MTMR14: variants seen among roughly 807,000 people sequenced by gnomAD.
MTMR14 encodes the protein phosphatidylinositol-3,5-bisphosphate 3-phosphatase MTMR14.
In MTMR14, 48 loss-of-function variants were observed where a neutral mutation model predicts 86.3. That is an observed-to-expected ratio of 0.56 (90% confidence interval 0.44 to 0.71). The LOEUF (loss-of-function observed/expected upper bound fraction) is 0.71. MTMR14 is among the 30% of genes least tolerant of loss of function. MTMR14 has a pLI of 0.00. For synonymous variants in MTMR14, 366 were observed against 326.1 expected (o/e 1.12, Z -1.32); for missense variants, 780 against 834.6 (o/e 0.93, Z 0.81).
chr3:9,701,457 G>GCCC lies in MTMR14; in HGVS notation c.1770-333_1770-332insCCC. ...GGGCTGAGGTGGGAGGATGGCTTGA[G>GCCC]GCTACAGTGAGCGCTGATTGTGTCA... On this transcript the variant is annotated intron_variant, in intron 18 of 18. Coordinates refer to ENST00000296003, the MANE Select transcript of MTMR14 (RefSeq NM_001077525.3). This position sits in a 1 kb window ranked among gnomAD's most constrained non-coding sequence, Gnocchi z 4.2. 1 of 367,174 alleles carries GCCC rather than the reference G, an allele frequency of 2.7e-6. No homozygotes were observed. Among genetic ancestry groups the GCCC allele is most frequent in the Non-Finnish European group, 5.2e-6 (1 of 192,464 alleles). The allele number at this position is 367,174 out of a possible 1,614,324, so 22.7% of individuals were successfully genotyped here.
chr3:9,691,336 G>A (rs999496413), intron 17 of MTMR14, among the ~76,000 whole-genome samples: 2 of 152,182 alleles, frequency 1.3e-5, no homozygotes, highest in African/African-American at 4.8e-5. Context: ...CCATGTGCCG[G>A]TGCCCCGTCC....
At chr3:9,682,537 A>G (rs1047471753) in intron 9 of MTMR14, among the ~76,000 whole-genome samples, 1 of 152,228 alleles carries the variant, frequency 6.6e-6, no homozygotes, top group Non-Finnish European at 1.5e-5. Context: ...CACTTGGGCT[A>G]GAACAGAGGT....
rs1273430094 is a variant in MTMR14, at chr3:9,677,898, C to T, written c.823-86C>T. On this transcript the variant is annotated intron_variant, in intron 8 of 18. Coordinates refer to ENST00000296003, the MANE Select transcript of MTMR14 (RefSeq NM_001077525.3). The surrounding 1 kb of genome is among the most constrained non-coding windows in gnomAD (Gnocchi z 4.2). The stretch of plus-strand genomic sequence containing the variant: ...GAAGGCAAGCACTGCCTGTGGTAGT[C>T]ACAGCCTCAGGACTGCAAGCTTCCC... 8.9e-6 allele frequency: 11 copies of T among 1,233,308 alleles called. No homozygotes were observed. The African/African-American group carries it at 1.6e-4, about 18-fold the overall frequency. The allele number at this position is 1,233,308 out of a possible 1,614,324, so 76.4% of individuals were successfully genotyped here.
intron 15 of MTMR14, 52 bp downstream of exon 15, chr3:9,688,806 A>T: frequency 6.2e-7 from 1 of 1,611,446 alleles, no homozygotes; most frequent in Non-Finnish European, 8.5e-7. Flanking sequence ...CTTCCCGTGT[A>T]CAGATCAGGC....
Position 9,684,590 on chromosome 3 carries a change from A to G in MTMR14, c.970A>G (p.Ser324Gly), listed in dbSNP as rs1281361693. Residue 324 changes from serine to glycine, a missense_variant, in exon 11 of 19, where the codon AGC becomes GGC. By Grantham distance (56) the Ser-to-Gly change is moderately conservative. Transcript: ENST00000296003. ...CTCCTGCGGTTCCTGAGTAGATGAC[A>G]GCGGGCTGCTGGTACACTGTATCTC... ...LLSLVNSDDDSGLLVHCISGW... is the reference protein window; with the variant it reads ...LLSLVNSDDDGGLLVHCISGW... 2 of 1,614,050 alleles carry G rather than the reference A, an allele frequency of 1.2e-6. No homozygotes were observed. Among genetic ancestry groups the G allele is most frequent in the Admixed American group, 3.3e-5 (2 of 60,014 alleles).
rs959381630 is a variant in MTMR14, at chr3:9,692,578, TGGCCTC to T, written c.1613+2448_1613+2453del. On this transcript the variant is annotated intron_variant, in intron 17 of 18. Coordinates refer to ENST00000296003, the MANE Select transcript of MTMR14 (RefSeq NM_001077525.3). ...GGTTAGCAGGTCGCTCCACCTTGCA[TGGCCTC>T]GGCCTCGGCCTCTGCTCTGGAGTCA... Among the ~76,000 whole-genome samples, 14 of 152,376 alleles carry T rather than the reference TGGCCTC, an allele frequency of 9.2e-5. No individual in the cohort carries two copies. The East Asian group carries it at 2.3e-3, about 25-fold the overall frequency.
At chr3:9,684,524 C>G in intron 10 of MTMR14, 61 bp from the exon 11 acceptor site, 1 of 1,550,528 alleles carries the variant, frequency 6.4e-7, no homozygotes, top group Non-Finnish European at 8.9e-7. Context: ...GGTGGTACTT[C>G]CTGCTCATCG....
rs574108963 is a variant in MTMR14, at chr3:9,662,316, A to G, written c.358A>G (p.Ser120Gly). 1 of 1,613,658 alleles carries G rather than the reference A, an allele frequency of 6.2e-7. No individual in the cohort carries two copies. Among genetic ancestry groups the G allele is most frequent in the Admixed American group, 1.7e-5 (1 of 59,898 alleles). Residue 120 changes from serine to glycine, a missense_variant, in exon 3 of 19, where the codon AGC (serine) becomes GGC (glycine). By Grantham distance (56) the Ser-to-Gly change is moderately conservative. Coordinates refer to ENST00000296003, the MANE Select transcript of MTMR14 (RefSeq NM_001077525.3). Reference protein sequence around the residue: ...VSKLQDLIHRSKMARCRGRFV... With the variant: ...VSKLQDLIHRGKMARCRGRFV... ...CAAGTTGCAAGACCTCATCCACCGC[A>G]GCAAGATGGCCCGGTGCAGAGGACG...
chr3:9,683,754 T>C (rs1441773115), intron 10 of MTMR14: 1 of 157,232 alleles, frequency 6.4e-6, no homozygotes, highest in African/African-American at 2.4e-5. Context: ...TTGCACTTGC[T>C]CAAACAAGTG....
At chr3:9,664,678 A>G (rs1274256107) in intron 3 of MTMR14, among the ~76,000 whole-genome samples, 1 of 152,192 alleles carries the variant, frequency 6.6e-6, no homozygotes, top group Non-Finnish European at 1.5e-5. Context: ...GTTCTCACTT[A>G]TTTGAAAGCT....
intron 3 of MTMR14, among the ~76,000 whole-genome samples, chr3:9,667,597 C>A (rs1470856674): frequency 2.0e-5 from 3 of 152,176 alleles, no homozygotes; most frequent in Non-Finnish European, 4.4e-5. Flanking sequence ...TCCAGGACAG[C>A]CTCTCCACAA....
In MTMR14 at chr3:9,678,075, A is replaced by T; in HGVS notation, c.897+17A>T. 1 of 1,613,508 alleles carries T rather than the reference A, an allele frequency of 6.2e-7. No homozygotes were observed. The highest frequency in any genetic ancestry group is 8.5e-7 in the Non-Finnish European group (1 of 1,179,658). ...CAGTATCAGGTGAGGGGCCTGACTC[A>T]AGCATTGAGGGCAGGATAAGGGAGT... On this transcript the variant is annotated intron_variant, in intron 9 of 18. Transcript: ENST00000296003.
intron 7 of MTMR14, among the ~76,000 whole-genome samples, chr3:9,676,103 C>T (rs1361024549): frequency 2.0e-5 from 3 of 152,156 alleles, no homozygotes; most frequent in African/African-American, 4.8e-5. Context: ...AGAGTTGCTG[C>T]GACATTCCAT....
intron 2 of MTMR14, among the ~76,000 whole-genome samples, chr3:9,659,259 TAA>T: frequency 6.6e-6 from 1 of 152,236 alleles, no homozygotes; most frequent in East Asian, 1.9e-4. Context: ...CACTACCTGG[TAA>T]CATCTTGCCA....
Position 9,697,718 on chromosome 3 carries a change from G to C in MTMR14, c.1621G>C (p.Asp541His), listed in dbSNP as rs764076356. 6.2e-7 allele frequency: 1 copy of C among 1,613,910 alleles called. No individual in the cohort carries two copies. The highest frequency in any genetic ancestry group is 1.1e-5 in the South Asian group (1 of 91,062). The change falls in exon 18 of 19, where the codon GAC (aspartate) becomes CAC (histidine). Residue 541 changes from aspartate to histidine, a missense_variant. By Grantham distance (81) the Asp-to-His change is moderately conservative. Transcript: ENST00000296003. ...PLEVPKPRSV[D>H]HPLPGSSLST... ...CTCTCCTCTCTGCCCCAGATCAGTG[G>C]ACCATCCCCTGCCCGGATCCTCTCT...
chr3:9,698,507 G>A (rs949076254), intron 18 of MTMR14, among the ~76,000 whole-genome samples: 1 of 152,260 alleles, frequency 6.6e-6, no homozygotes, highest in African/African-American at 2.4e-5. Context: ...GGTGGCCAGG[G>A]GAGCAAGCCC....
At chr3:9,684,512 C>A (rs2075870701) in intron 10 of MTMR14, 73 bp from the exon 11 acceptor site, 5 of 1,471,620 alleles carry the variant, frequency 3.4e-6, no homozygotes, top group Non-Finnish European at 4.8e-6. Context: ...CCAGGCCAAG[C>A]TGGTGGTACT....
At chr3:9,691,334 CG>C (rs1392941635) in intron 17 of MTMR14, among the ~76,000 whole-genome samples, 19 of 152,192 alleles carry the variant, frequency 1.2e-4, no homozygotes, top group African/African-American at 4.6e-4. Flanking sequence ...GCCCATGTGC[CG>C]GTGCCCCGTC....
intron 13 of MTMR14, 99 bp from the exon 14 acceptor site, chr3:9,687,722 C>T: frequency 1.0e-6 from 1 of 961,970 alleles, no homozygotes; most frequent in Non-Finnish European, 1.6e-6. Context: ...CAGGGCCGCT[C>T]TCCAGCAGGG....
Sources: gnomAD v4.1 joint callset for allele counts (sites outside exome capture counted in the v4.1 genomes callset) on GRCh38, gnomAD v4.1.1 for gene constraint, Gnocchi (gnomAD v3.1) non-coding constraint, MANE v1.5 for transcripts, NCBI Gene and HGNC (gene_info 2026-07-23, HGNC 2026-07-21) for gene names.